The following HK1 variants were observed in gnomAD, a reference collection of about 807,000 sequenced individuals.
HK1 encodes the protein hexokinase-1.
A neutral mutation model predicts 91.6 loss-of-function variants in HK1; 28 were observed. The ratio of observed to expected loss-of-function variants is 0.31; its 90% CI spans 0.23 to 0.42. The LOEUF is 0.42. Among genes scored for constraint, HK1 ranks in the 10% least tolerant of loss-of-function variants. HK1 has a pLI of 1.00. For missense variants in HK1, 770 were observed against 1,219.8 expected (o/e 0.63, Z 5.49); for synonymous variants, 430 against 468.1 (o/e 0.92, Z 1.05).
chr10:69,339,443 T>G (rs1848184352), intron 1 of HK1, among the ~76,000 whole-genome samples: 1 of 152,194 alleles, frequency 6.6e-6, no homozygotes, highest in Non-Finnish European at 1.5e-5. Flanking sequence ...CAATTGGGCC[T>G]CCCTTTTGGC....
At chr10:69,385,079 C>T (rs1048162698) in intron 12 of HK1, among the ~76,000 whole-genome samples, 164 bp downstream of exon 12, 4 of 152,202 alleles carry the variant, frequency 2.6e-5, no homozygotes, top group Admixed American at 2.0e-4. Flanking sequence ...GCAGGGCATA[C>T]TGAGACTCTT....
chr10:69,343,812 C>G lies in HK1; in HGVS notation c.64-15C>G, dbSNP rs748925379. 6.2e-7 allele frequency: 1 copy of G among 1,608,258 alleles called. No individual in the cohort carries two copies. The highest frequency in any genetic ancestry group is 8.5e-7 in the Non-Finnish European group (1 of 1,174,782). The stretch of plus-strand genomic sequence containing the variant: ...CCCCTCGACCTCACTCTCCTTCCTT[C>G]TCATCCCCCTCCAGATTGACAAGTA... On this transcript the variant is annotated splice_polypyrimidine_tract_variant and intron_variant, in intron 1 of 17. Transcript: ENST00000359426.
chr10:69,280,164 C>G (rs1042205773), intron 1 of HK1, among the ~76,000 whole-genome samples: 10 of 152,094 alleles, frequency 6.6e-5, no homozygotes, highest in African/African-American at 2.4e-4. Context: ...CACTGTCACC[C>G]AGGCTGGAGA....
At chr10:69,368,423 C>A (rs1166371366) in intron 4 of HK1, 113 bp from the exon 5 acceptor site, 1 of 858,126 alleles carries the variant, frequency 1.2e-6, no homozygotes, top group Non-Finnish European at 2.0e-6. Flanking sequence ...CTGGGAGGAG[C>A]CACTTGGCCC....
chr10:69,335,932 C>T (rs574686693), intron 1 of HK1, among the ~76,000 whole-genome samples: 3 of 151,984 alleles, frequency 2.0e-5, no homozygotes, highest in Non-Finnish European at 4.4e-5. Flanking sequence ...AAATAGGAAG[C>T]GGGAAGTAGG....
intron 17 of HK1, 141 bp from the exon 18 acceptor site, chr10:69,400,850 C>T (rs1024888197): frequency 1.1e-6 from 1 of 878,020 alleles, no homozygotes. Flanking sequence ...ATGCTTATGT[C>T]CTGATAAACC....
At chr10:69,377,141 A>C (rs1458124178) in intron 8 of HK1, 52 bp downstream of exon 8, 1 of 1,605,260 alleles carries the variant, frequency 6.2e-7, no homozygotes. Flanking sequence ...AGAGAAGAGC[A>C]ATTGGTCCCT....
chr10:69,277,216 C>T (rs1844516986), intron 1 of HK1, among the ~76,000 whole-genome samples: 1 of 152,138 alleles, frequency 6.6e-6, no homozygotes, highest in Non-Finnish European at 1.5e-5. Context: ...AAGTCTAATG[C>T]CAATCTGGTT....
rs1379215948 is a variant in HK1 at position 69,395,003 on chromosome 10, T to TA, written c.2275dup (p.Ile759AsnfsTer16). ...CTGGGTGAAATCGTCCGCAACATCT[T>TA]AATCGACTTCACCAAGAAGGGATTC... On this transcript the variant is annotated frameshift_variant, in exon 16 of 18. Transcript: ENST00000359426. LOFTEE classifies it high-confidence loss of function. 6.2e-7 allele frequency: 1 copy of TA among 1,614,060 alleles called. No individual in the cohort carries two copies. Among genetic ancestry groups the TA allele is most frequent in the Non-Finnish European group, 8.5e-7 (1 of 1,179,942 alleles).
upstream of HK1, among the ~76,000 whole-genome samples, chr10:69,314,624 TTCTTTTTC>T (rs1470371835): frequency 6.6e-6 from 1 of 152,096 alleles, no homozygotes; most frequent in East Asian, 1.9e-4. Context: ...TTTTCTTTTT[TTCTTTTTC>T]TTCTTTCCTT....
At chr10:69,400,780 C>A (rs745577022) in intron 17 of HK1, among the ~76,000 whole-genome samples, 6 of 150,618 alleles carry the variant, frequency 4.0e-5, no homozygotes, top group Non-Finnish European at 8.8e-5. Context: ...TTCTAAGCAG[C>A]CTGCCTCCCA....
chr10:69,338,805 G>T lies in HK1; in HGVS notation c.64-5022G>T, dbSNP rs149112132. ...TGTGTGTGTAGAGAGAGAGGGAAGAGGGGAAAAGGAAGGAGGAGAGTAAAG... is the reference window on the plus strand; with the variant it reads ...TGTGTGTGTAGAGAGAGAGGGAAGATGGGAAAAGGAAGGAGGAGAGTAAAG... On this transcript the variant is annotated intron_variant, in intron 1 of 17. Transcript: ENST00000359426. The T allele has an allele frequency of 3.6e-4, 295 of 821,912 alleles. 2 individuals carry two copies. The African/African-American group carries it at 4.9e-3, about 14-fold the overall frequency. The allele number at this position is 821,912 out of a possible 1,614,324, so 50.9% of individuals were successfully genotyped here.
chr10:69,316,150 G>A (rs1846630116), upstream of HK1: 3 of 795,720 alleles, frequency 3.8e-6, no homozygotes, highest in Non-Finnish European at 4.5e-6. Context: ...TGGACATGGT[G>A]GGGGCAGAGG....
At chr10:69,302,416 C>T (rs1349810324) in intron 5 of HK1, among the ~76,000 whole-genome samples, 2 of 148,724 alleles carry the variant, frequency 1.3e-5, no homozygotes, top group Admixed American at 1.3e-4. Context: ...ACTCTGTCGC[C>T]CAGGCTGGAG....
intron 5 of HK1, among the ~76,000 whole-genome samples, chr10:69,302,393 G>A (rs549550110): frequency 0.042 from 4,571 of 107,804 alleles, 248 homozygotes; most frequent in African/African-American, 0.15. Flanking sequence ...TTTTTTTTTT[G>A]AGACAGAGTC....
exon 3 of HK1, chr10:69,288,740 C>A (rs544001510): frequency 7.4e-6 from 12 of 1,613,690 alleles, no homozygotes; most frequent in Non-Finnish European, 9.3e-6. Context: ...GTGCCCTCCC[C>A]ACAATGGGGC....
chr10:69,374,721 C>T (rs773446755), intron 7 of HK1, among the ~76,000 whole-genome samples: 4 of 152,212 alleles, frequency 2.6e-5, no homozygotes, highest in African/African-American at 4.8e-5. Flanking sequence ...AAGGGGGTAT[C>T]ACTATCCATG....
chr10:69,364,925 G>C, intron 4 of HK1, 23 bp downstream of exon 4: 1 of 1,613,804 alleles, frequency 6.2e-7, no homozygotes, highest in Non-Finnish European at 8.5e-7. Context: ...TGGGATTATC[G>C]GGCTCTGCAG....
chr10:69,304,275 A>T (rs929344231), intron 5 of HK1, among the ~76,000 whole-genome samples: 35 of 143,438 alleles, frequency 2.4e-4, no homozygotes, highest in Admixed American at 1.8e-3. Flanking sequence ...TTTTATTTTT[A>T]TTATTTATTT....
Sources: gnomAD v4.1 joint callset for allele counts (sites outside exome capture counted in the v4.1 genomes callset) on GRCh38, gnomAD v4.1.1 for gene constraint, MANE v1.5 for transcripts, NCBI Gene and HGNC (gene_info 2026-07-23, HGNC 2026-07-21) for gene names.